HHAT: variants seen among roughly 807,000 people sequenced by gnomAD.
HHAT encodes the protein protein-cysteine N-palmitoyltransferase HHAT.
Under a neutral mutation model 70.8 loss-of-function variants are expected in HHAT, and 47 were observed. The observed-to-expected ratio is 0.66, with a 90% CI of 0.53 to 0.85. The LOEUF is 0.85. Ranked by LOEUF, HHAT falls within the 40% of genes least tolerant of loss-of-function variation. The probability of loss-of-function intolerance (pLI) is 0.00; values close to 1 mark genes in which losing one functional copy is unlikely to be tolerated. For synonymous variants in HHAT, 228 were observed against 247.6 expected, an observed-to-expected ratio of 0.92 and a Z score of 0.74; for missense variants, 609 against 604.8, an observed-to-expected ratio of 1.01 and a Z score of -0.07.
At chr1:210,401,817 C>T (rs187574769) in intron 5 of HHAT, among the ~76,000 whole-genome samples, 1 of 152,274 alleles carries the variant, frequency 6.6e-6, no homozygotes, top group African/African-American at 2.4e-5. Context: ...TCAGCAAATT[C>T]TTCTTGTACT....
At chr1:210,444,971 A>C (rs536896392) in intron 7 of HHAT, among the ~76,000 whole-genome samples, 1 of 151,974 alleles carries the variant, frequency 6.6e-6, no homozygotes, top group Non-Finnish European at 1.5e-5. Context: ...TCCTGAGTAG[A>C]TGGGATTACA....
chr1:210,616,034 C>T (rs1441939114), intron 10 of HHAT, among the ~76,000 whole-genome samples: 6 of 152,186 alleles, frequency 3.9e-5, no homozygotes, highest in Admixed American at 3.9e-4. Context: ...GGAGCTGTTC[C>T]TATTCGGCCA....
At chr1:210,435,217 C>T (rs2093346845) in intron 7 of HHAT, among the ~76,000 whole-genome samples, 1 of 151,848 alleles carries the variant, frequency 6.6e-6, no homozygotes, top group South Asian at 2.1e-4. Flanking sequence ...TGAGTGAGAA[C>T]ATGCAATGTT....
intron 6 of HHAT, among the ~76,000 whole-genome samples, chr1:210,405,507 C>T (rs1267967479): frequency 6.6e-6 from 1 of 152,248 alleles, no homozygotes; most frequent in East Asian, 1.9e-4. Context: ...TACGTGCATA[C>T]ACAGACATGC....
At chr1:210,470,184 A>G (rs977448573) in intron 8 of HHAT, among the ~76,000 whole-genome samples, 1 of 152,172 alleles carries the variant, frequency 6.6e-6, no homozygotes, top group South Asian at 2.1e-4. Context: ...GAAAAGAAAG[A>G]CCCGATAGGG....
At chr1:210,566,378 G>C (rs985161924) in intron 9 of HHAT, among the ~76,000 whole-genome samples, 1 of 152,118 alleles carries the variant, frequency 6.6e-6, no homozygotes. Flanking sequence ...GGGCAGAAGA[G>C]GGTGGTTCCC....
chr1:210,386,387 C>T (rs1357613837), intron 3 of HHAT, among the ~76,000 whole-genome samples: 3 of 149,838 alleles, frequency 2.0e-5, no homozygotes, highest in African/African-American at 4.9e-5. Context: ...TACAGGCGCC[C>T]GCCACTACGC....
At chr1:210,387,756 T>C in intron 4 of HHAT, among the ~76,000 whole-genome samples, 175 bp downstream of exon 4, 1 of 152,364 alleles carries the variant, frequency 6.6e-6, no homozygotes, top group Admixed American at 6.5e-5. Flanking sequence ...GTTCATATCC[T>C]GCACTTGCTT....
rs577767056 is a variant in HHAT, at chr1:210,499,784, G to C, written c.1008-13369G>C. ...AGCCTAGGAGAGGCGGCTGCAAAGA[G>C]TAGGAGAGCTTGTTGTTTTAAAACC... On this transcript the variant is annotated intron_variant, in intron 8 of 11. Coordinates refer to ENST00000261458, the MANE Select transcript of HHAT (RefSeq NM_018194.6). 3.9e-5 allele frequency among the ~76,000 whole-genome samples: 6 copies of C among 152,314 alleles called. No homozygotes were observed. In the East Asian group the frequency reaches 9.6e-4, roughly 24 times the overall value.
intron 9 of HHAT, among the ~76,000 whole-genome samples, chr1:210,548,106 G>A (rs747109699): frequency 1.3e-5 from 2 of 152,180 alleles, no homozygotes; most frequent in Non-Finnish European, 2.9e-5. Flanking sequence ...GTGATGGACT[G>A]TCCTCAGAGT....
chr1:210,530,564 C>T (rs950959710), intron 9 of HHAT, among the ~76,000 whole-genome samples: 7 of 152,106 alleles, frequency 4.6e-5, no homozygotes, highest in African/African-American at 1.7e-4. Flanking sequence ...ATGAGGAGTA[C>T]TGAATAAGGA....
rs1347012319 is a variant in HHAT at position 210,560,392 on chromosome 1, G to T, written c.1044-27506G>T. ...GTTGGTTTTCCCCAAGTTGTTCTGAGACTTGTTTATAATGGGAAGTTATTC... is the reference window on the plus strand; with the variant it reads ...GTTGGTTTTCCCCAAGTTGTTCTGATACTTGTTTATAATGGGAAGTTATTC... On this transcript the variant is annotated intron_variant, in intron 9 of 11. Transcript: ENST00000261458. Among the ~76,000 whole-genome samples, 3 of 152,000 alleles carry T rather than the reference G, an allele frequency of 2.0e-5. No individual in the cohort carries two copies. In the East Asian group the frequency reaches 5.8e-4, roughly 29 times the overall value.
intron 7 of HHAT, among the ~76,000 whole-genome samples, chr1:210,446,517 A>C (rs2093637868): frequency 6.6e-6 from 1 of 152,092 alleles, no homozygotes; most frequent in Non-Finnish European, 1.5e-5. Flanking sequence ...CTTTTCATTG[A>C]GCTTAGAATA....
chr1:210,411,118 G>T (rs908689489), intron 6 of HHAT, among the ~76,000 whole-genome samples: 5 of 152,150 alleles, frequency 3.3e-5, no homozygotes, highest in African/African-American at 1.2e-4. Context: ...ACCTTGAAAC[G>T]TGATTGCCTG....
intron 8 of HHAT, among the ~76,000 whole-genome samples, chr1:210,487,908 C>T (rs2094496886): frequency 6.6e-6 from 1 of 152,152 alleles, no homozygotes; most frequent in Admixed American, 6.5e-5. Context: ...CCATCCATTT[C>T]CTCTTCTCAC....
chr1:210,429,157 T>C (rs61487445), intron 7 of HHAT, among the ~76,000 whole-genome samples: 2,900 of 151,992 alleles, frequency 0.019, 168 homozygotes, highest in East Asian at 0.15. Flanking sequence ...GAAGGAATTA[T>C]ATAACAAACA....
At chr1:210,332,501 C>A (rs544626433) in intron 1 of HHAT, among the ~76,000 whole-genome samples, 3 of 152,226 alleles carry the variant, frequency 2.0e-5, no homozygotes, top group Non-Finnish European at 4.4e-5. Flanking sequence ...TATTTCAATT[C>A]GCCTAGTTTA....
intron 3 of HHAT, among the ~76,000 whole-genome samples, chr1:210,375,753 G>T (rs1337541065): frequency 6.6e-6 from 1 of 151,016 alleles, no homozygotes; most frequent in East Asian, 1.9e-4. Context: ...ACCAATGTCA[G>T]ATCTTTTGTT....
chr1:210,617,158 C>G (rs1231796514), intron 10 of HHAT, among the ~76,000 whole-genome samples: 2 of 152,224 alleles, frequency 1.3e-5, no homozygotes, highest in Non-Finnish European at 2.9e-5. Context: ...AAGGAAGATG[C>G]ATTCAAAGTA....
Sources: gnomAD v4.1 joint callset for allele counts (sites outside exome capture counted in the v4.1 genomes callset) on GRCh38, gnomAD v4.1.1 for gene constraint, MANE v1.5 for transcripts, NCBI Gene and HGNC (gene_info 2026-07-23, HGNC 2026-07-21) for gene names.